Variants in ITGA4 observed in about 807,000 individuals in gnomAD.
The protein encoded by ITGA4 is integrin subunit alpha 4, also known as integrin alpha-4.
A neutral mutation model predicts 133.6 loss-of-function variants in ITGA4; 63 were observed. That is an observed-to-expected ratio of 0.47 (90% CI 0.38 to 0.58). ITGA4 has a LOEUF of 0.58. ITGA4 is among the 20% of genes least tolerant of loss of function. The pLI, the probability that ITGA4 is intolerant of heterozygous loss-of-function variation, is 0.00. For synonymous variants in ITGA4, 483 were observed against 438.0 expected (o/e 1.10, Z -1.28); for missense variants, 1,076 against 1,252.7 (o/e 0.86, Z 2.13).
intron 2 of ITGA4, among the ~76,000 whole-genome samples, chr2:181,462,133 CTG>C (rs1162720774): frequency 1.3e-5 from 2 of 152,074 alleles, no homozygotes; most frequent in Non-Finnish European, 2.9e-5. Flanking sequence ...ATTAAGTTCT[CTG>C]TGTAAAAATA....
intron 3 of ITGA4, 42 bp from the exon 4 acceptor site, chr2:181,475,117 G>A (rs1313909338): frequency 1.2e-6 from 2 of 1,613,418 alleles, no homozygotes; most frequent in Non-Finnish European, 1.7e-6. Context: ...GCTATCCTGG[G>A]TGCAGCTTTC....
chr2:181,503,693 A>T (rs1476615452), intron 15 of ITGA4, among the ~76,000 whole-genome samples: 4 of 149,880 alleles, frequency 2.7e-5, no homozygotes, highest in East Asian at 4.0e-4. Flanking sequence ...AGTTAGAATG[A>T]TATTTCTGTA....
At chr2:181,526,967 T>G (rs62191455) in intron 21 of ITGA4, among the ~76,000 whole-genome samples, 1,958 of 150,906 alleles carry the variant, frequency 0.013, 23 homozygotes, top group Admixed American at 0.023. Context: ...GAGTAGCTGG[T>G]ACTACAGGCA....
At chr2:181,488,799 C>T (rs1410198573) in intron 10 of ITGA4, among the ~76,000 whole-genome samples, 1 of 152,140 alleles carries the variant, frequency 6.6e-6, no homozygotes, top group African/African-American at 2.4e-5. Flanking sequence ...ACCTTGTGAT[C>T]TGCCCGCCTT....
intron 2 of ITGA4, among the ~76,000 whole-genome samples, chr2:181,463,037 T>C (rs1013620751): frequency 1.3e-5 from 2 of 152,104 alleles, no homozygotes; most frequent in African/African-American, 4.8e-5. Context: ...GGTAAGACAA[T>C]AAAGTGATGC....
chr2:181,488,964 G>C (rs1331675587), intron 10 of ITGA4, among the ~76,000 whole-genome samples: 1 of 152,220 alleles, frequency 6.6e-6, no homozygotes, highest in Non-Finnish European at 1.5e-5. Context: ...GTGTGTCCTA[G>C]TTCTTGGCTG....
chr2:181,470,480 G>C (rs1685522292), intron 2 of ITGA4, among the ~76,000 whole-genome samples: 1 of 152,086 alleles, frequency 6.6e-6, no homozygotes, highest in Admixed American at 6.5e-5. Context: ...TCTTATGTCT[G>C]GTTCTTAACC....
intron 10 of ITGA4, among the ~76,000 whole-genome samples, chr2:181,486,972 C>A (rs1301654892): frequency 6.6e-6 from 1 of 152,122 alleles, no homozygotes; most frequent in Non-Finnish European, 1.5e-5. Context: ...CCACAATCTA[C>A]TTTAAATATA....
intron 2 of ITGA4, among the ~76,000 whole-genome samples, chr2:181,460,899 A>T (rs1220390138): frequency 6.6e-6 from 1 of 152,096 alleles, no homozygotes; most frequent in South Asian, 2.1e-4. Flanking sequence ...AAATGTTATA[A>T]TGATTAAAGA....
At position 181,530,505 on chromosome 2, in the gene ITGA4, T is replaced by C. The variant is rs936517442; in HGVS notation, c.2539-19T>C. 3.8e-6 allele frequency: 6 copies of C among 1,599,404 alleles called. No individual in the cohort carries two copies. The Admixed American group carries it at 8.4e-5, about 22-fold the overall frequency. On this transcript the variant is annotated intron_variant, in intron 23 of 27. Coordinates refer to ENST00000397033, the MANE Select transcript of ITGA4 (RefSeq NM_000885.6). ...CCAGTGTTGAAAGATAAGATTTCTC[T>C]TGCTTTCTGTCTTCATAGACTACTA...
At chr2:181,509,168 A>T (rs1016526047) in intron 15 of ITGA4, among the ~76,000 whole-genome samples, 40 of 134,554 alleles carry the variant, frequency 3.0e-4, no homozygotes, top group Non-Finnish European at 5.3e-4. Flanking sequence ...AAAAAAAAAA[A>T]AAAAAAAAAA....
At chr2:181,468,457 T>C (rs942631642) in intron 2 of ITGA4, among the ~76,000 whole-genome samples, 1 of 152,158 alleles carries the variant, frequency 6.6e-6, no homozygotes, top group African/African-American at 2.4e-5. Context: ...AGTTCCTGCC[T>C]ACTGCATGTA....
At chr2:181,458,124 A>T (rs915122775) in intron 1 of ITGA4, 72 bp from the exon 2 acceptor site, 1 of 1,603,574 alleles carries the variant, frequency 6.2e-7, no homozygotes, top group African/African-American at 1.3e-5. Context: ...CGGACTGCAC[A>T]TCTGTGGCGA....
chr2:181,481,551 T>C (rs904349244), intron 6 of ITGA4, 47 bp from the exon 7 acceptor site: 9 of 920,634 alleles, frequency 9.8e-6, no homozygotes, highest in South Asian at 1.5e-5. Context: ...TATTACCATA[T>C]GATGTACTTT....
At chr2:181,532,232 A>G (rs1290119585) in intron 25 of ITGA4, among the ~76,000 whole-genome samples, 2 of 152,186 alleles carry the variant, frequency 1.3e-5, no homozygotes, top group South Asian at 2.1e-4. Context: ...TGTCTTGACT[A>G]TATGGGCTCT....
rs1687305727 is a variant in ITGA4 at position 181,538,361 on chromosome 2, A to AACAGAGCTGT, written c.*2836_*2845dup. On this transcript the variant is annotated 3_prime_UTR_variant, in exon 28 of 28. Coordinates refer to ENST00000397033, the MANE Select transcript of ITGA4 (RefSeq NM_000885.6). Reference sequence around the variant, plus strand: ...AATTGATAACAAACACAGCATTCCCAACAGAGCTGTAATCTAGAAAACTGA... The same window carrying AACAGAGCTGT: ...AATTGATAACAAACACAGCATTCCCAACAGAGCTGTACAGAGCTGTAATCTAGAAAACTGA... The AACAGAGCTGT allele has an allele frequency of 1.5e-6, 1 of 645,696 alleles. No individual in the cohort carries two copies. Among genetic ancestry groups the AACAGAGCTGT allele is most frequent in the Non-Finnish European group, 2.8e-6 (1 of 353,986 alleles). 40.0% of individuals were successfully genotyped at this position (645,696 alleles called of 1,614,324 possible). A position where few individuals can be genotyped will look rare whatever the true frequency, so the allele number is the denominator to read the frequency against.
At chr2:181,475,872 G>A in intron 4 of ITGA4, 1 of 1,599,242 alleles carries the variant, frequency 6.3e-7, no homozygotes, top group Non-Finnish European at 8.5e-7. Flanking sequence ...CAGAATTGGG[G>A]TGAATGTCAA....
At position 181,493,391 on chromosome 2, in the gene ITGA4, C is replaced by T. The variant is rs200411275; in HGVS notation, c.1220C>T (p.Ala407Val). The T allele has an allele frequency of 3.7e-6, 6 of 1,611,396 alleles. No homozygotes were observed. The highest frequency in any genetic ancestry group is 5.1e-6 in the Non-Finnish European group (6 of 1,177,842). ...GCTATTTATATTTACAATGGCCGTG[C>T]AGATGGGATCTCGTCAACCTTCTCA... is the stretch of plus-strand genomic sequence containing the variant. ...QGAIYIYNGR[A>V]DGISSTFSQR... Residue 407 changes from alanine (A) to valine (V), a missense_variant, in exon 11 of 28, where the codon GCA becomes GTA. Transcript: ENST00000397033.
At position 181,537,623 on chromosome 2, in the gene ITGA4, G is replaced by T; in HGVS notation, c.*2096G>T. The stretch of plus-strand genomic sequence containing the variant: ...AGAATATAGGAAATTTAACATAATT[G>T]ATGAGCTCAAATCCTGAAAAATGAA... On this transcript the variant is annotated 3_prime_UTR_variant, in exon 28 of 28. Coordinates refer to ENST00000397033, the MANE Select transcript of ITGA4 (RefSeq NM_000885.6). The T allele has an allele frequency of 4.6e-6, 2 of 432,328 alleles. No homozygotes were observed. The highest frequency in any genetic ancestry group is 1.7e-5 in the South Asian group (1 of 59,316). The allele number at this position is 432,328 out of a possible 1,614,324, so 26.8% of individuals were successfully genotyped here.
Sources: gnomAD v4.1 joint callset for allele counts (sites outside exome capture counted in the v4.1 genomes callset) on GRCh38, gnomAD v4.1.1 for gene constraint, MANE v1.5 for transcripts, NCBI Gene and HGNC (gene_info 2026-07-23, HGNC 2026-07-21) for gene names.